The following SRGAP1 variants were observed in gnomAD, a reference collection of about 807,000 sequenced individuals.
SRGAP1 encodes SLIT-ROBO Rho GTPase-activating protein 1.
A neutral mutation model predicts 121.9 loss-of-function variants in SRGAP1; 43 were observed. The observed-to-expected ratio is 0.35, with a 90% CI of 0.28 to 0.46. The LOEUF is 0.46. Ranked by LOEUF, SRGAP1 falls within the 20% of genes least tolerant of loss-of-function variation. The pLI, the probability that SRGAP1 is intolerant of heterozygous loss-of-function variation, is 1.00. For synonymous variants in SRGAP1, 447 were observed against 485.4 expected (o/e 0.92, Z 1.04); for missense variants, 1,102 against 1,350.9 (o/e 0.82, Z 2.89).
intron 1 of SRGAP1, among the ~76,000 whole-genome samples, chr12:63,949,535 C>T (rs2032219841): frequency 6.6e-6 from 1 of 151,410 alleles, no homozygotes; most frequent in African/African-American, 2.4e-5. Context: ...TTGCGCCATT[C>T]TCCTGCCTCA....
intron 1 of SRGAP1, among the ~76,000 whole-genome samples, chr12:63,966,171 A>G (rs2032785893): frequency 6.6e-6 from 1 of 152,256 alleles, no homozygotes; most frequent in African/African-American, 2.4e-5. Flanking sequence ...AATTTGCAGT[A>G]CATTAGAACT....
At chr12:63,859,341 A>G (rs868376447) in intron 1 of SRGAP1, among the ~76,000 whole-genome samples, 1 of 151,876 alleles carries the variant, frequency 6.6e-6, no homozygotes, top group Non-Finnish European at 1.5e-5. Context: ...TAATTTTTGT[A>G]TAATTAGTAG....
At chr12:64,047,093 T>C (rs1488350744) in intron 6 of SRGAP1, among the ~76,000 whole-genome samples, 1 of 152,212 alleles carries the variant, frequency 6.6e-6, no homozygotes, top group Non-Finnish European at 1.5e-5. Context: ...TTTAAAAAAG[T>C]TGGACTTTTG....
At chr12:64,096,704 C>A (rs1202325781) in intron 14 of SRGAP1, among the ~76,000 whole-genome samples, 10 of 152,160 alleles carry the variant, frequency 6.6e-5, no homozygotes, top group Non-Finnish European at 4.4e-5. Flanking sequence ...TCTGCCTCTG[C>A]TCAAGACAGC....
intron 8 of SRGAP1, among the ~76,000 whole-genome samples, chr12:64,078,162 A>C (rs1307296133): frequency 6.6e-6 from 1 of 152,204 alleles, no homozygotes; most frequent in Non-Finnish European, 1.5e-5. Flanking sequence ...GAGAATGTAA[A>C]TTACAATCAT....
intron 15 of SRGAP1, among the ~76,000 whole-genome samples, chr12:64,104,186 T>A (rs1377479846): frequency 6.6e-6 from 1 of 152,216 alleles, no homozygotes; most frequent in Non-Finnish European, 1.5e-5. Context: ...GTAACTTGTG[T>A]TTTATGGTAA....
chr12:63,892,339 A>G (rs930345236), intron 1 of SRGAP1, among the ~76,000 whole-genome samples: 8 of 152,232 alleles, frequency 5.3e-5, no homozygotes, highest in African/African-American at 1.9e-4. Context: ...GTCATAAAAT[A>G]TGTAATAATC....
intron 1 of SRGAP1, among the ~76,000 whole-genome samples, chr12:63,851,087 C>A (rs1391638347): frequency 2.0e-5 from 3 of 152,144 alleles, no homozygotes; most frequent in African/African-American, 7.2e-5. Context: ...ACCCAGAAGG[C>A]AGAGGTTGCA....
chr12:63,890,099 G>A (rs1461304328), intron 1 of SRGAP1, among the ~76,000 whole-genome samples: 1 of 152,020 alleles, frequency 6.6e-6, no homozygotes, highest in African/African-American at 2.4e-5. Flanking sequence ...GACTTTGCAG[G>A]TACTTCTGGT....
Position 64,063,103 on chromosome 12 carries a change from A to T in SRGAP1, c.988A>T (p.Met330Leu), listed in dbSNP as rs139894551. 1.9e-6 allele frequency: 3 copies of T among 1,613,804 alleles called. No homozygotes were observed. The East Asian group carries it at 6.7e-5, about 36-fold the overall frequency. The change falls in exon 7 of 22, where the codon ATG becomes TTG. Residue 330 changes from methionine to leucine, a missense_variant. Coordinates refer to ENST00000355086, the MANE Select transcript of SRGAP1 (RefSeq NM_020762.4). ...EMYPAAFCPP[M>L]KFEFQSHMGD... ...GTACCCTGCTGCGTTCTGTCCACCA[A>T]TGAAGTTTGAGTTTCAGTCTCACAT...
intron 3 of SRGAP1, among the ~76,000 whole-genome samples, chr12:63,999,635 T>A (rs1397547087): frequency 6.6e-6 from 1 of 152,102 alleles, no homozygotes; most frequent in Admixed American, 6.5e-5. Flanking sequence ...AGGCGTCATA[T>A]GAGAGGAGAA....
intron 1 of SRGAP1, among the ~76,000 whole-genome samples, chr12:63,906,247 G>A (rs2030202034): frequency 6.6e-6 from 1 of 152,060 alleles, no homozygotes; most frequent in African/African-American, 2.4e-5. Flanking sequence ...GTATCTCATT[G>A]TATGGATTTT....
At chr12:64,124,107 A>G (rs1482890284) in intron 18 of SRGAP1, among the ~76,000 whole-genome samples, 1 of 152,134 alleles carries the variant, frequency 6.6e-6, no homozygotes, top group Non-Finnish European at 1.5e-5. Context: ...CTTTGTCTTT[A>G]TTTAAAATGT....
At chr12:63,961,100 A>G (rs749683623) in intron 1 of SRGAP1, among the ~76,000 whole-genome samples, 10 of 152,218 alleles carry the variant, frequency 6.6e-5, no homozygotes, top group Admixed American at 3.3e-4. Context: ...GATATCACGT[A>G]CATAAGCCAC....
At chr12:64,128,494 AAAG>A (rs769919720) in intron 21 of SRGAP1, among the ~76,000 whole-genome samples, 1 of 152,208 alleles carries the variant, frequency 6.6e-6, no homozygotes, top group Non-Finnish European at 1.5e-5. Flanking sequence ...AAACTTTGAA[AAAG>A]AAGAATGGGA....
intron 3 of SRGAP1, among the ~76,000 whole-genome samples, chr12:63,991,952 G>A (rs912550336): frequency 3.9e-5 from 6 of 152,202 alleles, no homozygotes; most frequent in African/African-American, 1.2e-4. Context: ...GAACTGGAAG[G>A]CTGGAGATCT....
At chr12:63,999,873 G>A (rs1445204038) in intron 3 of SRGAP1, among the ~76,000 whole-genome samples, 2 of 151,944 alleles carry the variant, frequency 1.3e-5, no homozygotes, top group African/African-American at 2.4e-5. Flanking sequence ...GGAGGGAAGA[G>A]TAAGAAAAAC....
intron 1 of SRGAP1, among the ~76,000 whole-genome samples, chr12:63,850,242 GT>G (rs1231083878): frequency 6.6e-6 from 1 of 152,132 alleles, no homozygotes; most frequent in Non-Finnish European, 1.5e-5. Flanking sequence ...TTAAGGGATA[GT>G]TTTGGAGAAA....
rs1051073757 is a variant in SRGAP1 at position 64,152,200 on chromosome 12, A to G, written c.*9528A>G. 1 of 152,218 alleles carries G rather than the reference A, an allele frequency of 6.6e-6. No homozygotes were observed. The highest frequency in any genetic ancestry group is 1.5e-5 in the Non-Finnish European group (1 of 68,056). 9.4% of individuals were successfully genotyped at this position (152,218 alleles called of 1,614,324 possible). A position where few individuals can be genotyped will look rare whatever the true frequency, so the allele number is the denominator to read the frequency against. On this transcript the variant is annotated 3_prime_UTR_variant, in exon 22 of 22. Transcript: ENST00000355086. ...CTCCATGCTACAAATGTTAACCCTC[A>G]TAAGAAAGCCAAGAGAGCCACAGTT...
Sources: gnomAD v4.1 joint callset for allele counts (sites outside exome capture counted in the v4.1 genomes callset) on GRCh38, gnomAD v4.1.1 for gene constraint, MANE v1.5 for transcripts, NCBI Gene and HGNC (gene_info 2026-07-23, HGNC 2026-07-21) for gene names.